MYT1L: variants seen among roughly 807,000 people sequenced by gnomAD.
MYT1L encodes the protein myelin transcription factor 1-like protein.
Under a neutral mutation model 126.7 loss-of-function variants are expected in MYT1L, and 12 were observed. The ratio of observed to expected loss-of-function variants is 0.09; its 90% CI spans 0.06 to 0.15. The LOEUF (loss-of-function observed/expected upper bound fraction) is 0.15. Ranked by LOEUF, MYT1L falls within the 10% of genes least tolerant of loss-of-function variation. The pLI, the probability that MYT1L is intolerant of heterozygous loss-of-function variation, is 1.00. For synonymous variants in MYT1L, 541 were observed against 604.2 expected (o/e 0.90, Z 1.53); for missense variants, 979 against 1,585.2 (o/e 0.62, Z 6.49).
At chr2:2,162,143 A>G (rs2088072790) in intron 3 of MYT1L, among the ~76,000 whole-genome samples, 1 of 152,186 alleles carries the variant, frequency 6.6e-6, no homozygotes, top group South Asian at 2.1e-4. Flanking sequence ...AGCTCACCAG[A>G]GTCCTCCCTG....
At chr2:2,248,403 A>G (rs1290550360) in intron 2 of MYT1L, among the ~76,000 whole-genome samples, 1 of 152,178 alleles carries the variant, frequency 6.6e-6, no homozygotes, top group Non-Finnish European at 1.5e-5. Flanking sequence ...CTAGTAAAGA[A>G]AAGCCCAGGA....
At chr2:2,130,728 T>G (rs1441296525) in intron 3 of MYT1L, among the ~76,000 whole-genome samples, 1 of 152,206 alleles carries the variant, frequency 6.6e-6, no homozygotes, top group African/African-American at 2.4e-5. Flanking sequence ...GGAAATGCTT[T>G]GTGTCAACAT....
chr2:1,820,279 T>A (rs1376513878), intron 21 of MYT1L, among the ~76,000 whole-genome samples: 2 of 152,214 alleles, frequency 1.3e-5, no homozygotes, highest in East Asian at 3.9e-4. Context: ...TTGATTCTTG[T>A]TTCCAGCATT....
chr2:1,988,238 C>G (rs2149543916), intron 5 of MYT1L, among the ~76,000 whole-genome samples: 1 of 152,308 alleles, frequency 6.6e-6, no homozygotes, highest in Admixed American at 6.5e-5. Flanking sequence ...CCAGCTGCAC[C>G]TCCGGGGTGG....
chr2:2,057,617 C>T (rs896904146), intron 3 of MYT1L, among the ~76,000 whole-genome samples: 1 of 152,332 alleles, frequency 6.6e-6, no homozygotes, highest in Admixed American at 6.5e-5. Flanking sequence ...AGCCAACTCT[C>T]CTACCCTGAA....
chr2:1,976,700 G>A (rs1232202345), intron 8 of MYT1L, among the ~76,000 whole-genome samples: 4 of 152,184 alleles, frequency 2.6e-5, no homozygotes, highest in African/African-American at 9.7e-5. Flanking sequence ...AACAGCAATA[G>A]TCATAGATGT....
intron 3 of MYT1L, among the ~76,000 whole-genome samples, chr2:2,094,884 C>T (rs1226203412): frequency 7.2e-5 from 11 of 152,088 alleles, no homozygotes; most frequent in Admixed American, 7.2e-4. Flanking sequence ...AACTAACCTG[C>T]ACGTTGTGCA....
chr2:2,190,494 G>A (rs1361583111), intron 2 of MYT1L, among the ~76,000 whole-genome samples: 1 of 146,926 alleles, frequency 6.8e-6, no homozygotes, highest in African/African-American at 2.5e-5. Flanking sequence ...CTGGGGATCT[G>A]TCTCAGGCAG....
At chr2:1,859,028 C>T (rs900948872) in intron 18 of MYT1L, among the ~76,000 whole-genome samples, 2 of 152,214 alleles carry the variant, frequency 1.3e-5, no homozygotes, top group African/African-American at 2.4e-5. Context: ...CACACCCTGA[C>T]AGCCTGGGGG....
chr2:1,960,239 T>C (rs2058851473), intron 8 of MYT1L, among the ~76,000 whole-genome samples: 1 of 152,172 alleles, frequency 6.6e-6, no homozygotes, highest in Non-Finnish European at 1.5e-5. Flanking sequence ...GATGATTCCT[T>C]GTGTAAAGTA....
chr2:2,145,333 T>A (rs1245539486), intron 3 of MYT1L, among the ~76,000 whole-genome samples: 5 of 152,178 alleles, frequency 3.3e-5, no homozygotes, highest in African/African-American at 1.2e-4. Context: ...CAGCAATGCA[T>A]CTTCTCCAGC....
At chr2:2,231,935 G>C (rs768808855) in intron 2 of MYT1L, among the ~76,000 whole-genome samples, 1 of 152,116 alleles carries the variant, frequency 6.6e-6, no homozygotes, top group Non-Finnish European at 1.5e-5. Flanking sequence ...AACAAGCAAC[G>C]GATTATTGTG....
intron 4 of MYT1L, among the ~76,000 whole-genome samples, chr2:1,998,449 C>T (rs1334684953): frequency 6.6e-6 from 1 of 152,172 alleles, no homozygotes; most frequent in Non-Finnish European, 1.5e-5. Context: ...AAATCTTTTC[C>T]TTCGACCTGG....
chr2:1,938,134 TC>T (rs2056223378), intron 9 of MYT1L, among the ~76,000 whole-genome samples: 1 of 152,206 alleles, frequency 6.6e-6, no homozygotes, highest in Non-Finnish European at 1.5e-5. Flanking sequence ...ATTGCTAGGC[TC>T]TTCCTCAGGA....
At chr2:1,959,378 T>C (rs1219427834) in intron 8 of MYT1L, among the ~76,000 whole-genome samples, 1 of 152,136 alleles carries the variant, frequency 6.6e-6, no homozygotes, top group Non-Finnish European at 1.5e-5. Flanking sequence ...TCTCAGACCG[T>C]CTGGATGTGA....
intron 18 of MYT1L, among the ~76,000 whole-genome samples, chr2:1,867,468 C>T (rs1402798819): frequency 6.6e-6 from 1 of 152,152 alleles, no homozygotes; most frequent in African/African-American, 2.4e-5. Context: ...TACTAATCAC[C>T]AACTTGAATC....
intron 2 of MYT1L, among the ~76,000 whole-genome samples, chr2:2,218,510 C>A (rs1164905030): frequency 2.0e-5 from 3 of 152,040 alleles, no homozygotes; most frequent in Non-Finnish European, 4.4e-5. Context: ...CTGAAAAATG[C>A]AAACTCATCT....
intron 1 of MYT1L, among the ~76,000 whole-genome samples, chr2:2,318,193 C>T (rs957822292): frequency 2.6e-5 from 4 of 152,212 alleles, no homozygotes. Flanking sequence ...ACTCCTTACA[C>T]AACTTCTGCA....
chr2:1,866,252 G>A (rs2045448249), intron 18 of MYT1L, among the ~76,000 whole-genome samples: 2 of 152,100 alleles, frequency 1.3e-5, no homozygotes, highest in African/African-American at 4.8e-5. Flanking sequence ...GTCAGAGCTA[G>A]GCAGAGTCAG....
Sources: allele counts gnomAD v4.1 joint callset (sites outside exome capture counted in the v4.1 genomes callset), GRCh38; gene constraint gnomAD v4.1.1; transcripts MANE v1.5; gene names NCBI Gene and HGNC (gene_info 2026-07-23, HGNC 2026-07-21).